The following SLC35D4 variants were observed in gnomAD, a reference collection of about 807,000 sequenced individuals.
The protein encoded by SLC35D4 is UDP-N-acetylglucosamine transporter SLC35D4.
the SLC35D4 span, among the ~76,000 whole-genome samples, chr18:23,288,130 T>C: frequency 1.3e-5 from 2 of 152,192 alleles, no homozygotes; most frequent in African/African-American, 4.8e-5. Flanking sequence ...CCCACATTAT[T>C]CCTGATACCA....
the SLC35D4 span, among the ~76,000 whole-genome samples, chr18:23,251,531 A>G: frequency 1.1e-4 from 16 of 152,226 alleles, no homozygotes; most frequent in Non-Finnish European, 2.2e-4. Context: ...AGGAGGGATG[A>G]GATGAACTGG....
the SLC35D4 span, among the ~76,000 whole-genome samples, chr18:23,276,658 CTTAA>C: frequency 4.2e-4 from 64 of 152,298 alleles, no homozygotes; most frequent in African/African-American, 1.5e-3. Context: ...GAATCTAGGA[CTTAA>C]TTATTTTCCA....
At chr18:23,428,073 A>C in the SLC35D4 span, among the ~76,000 whole-genome samples, 8 of 152,150 alleles carry the variant, frequency 5.3e-5, no homozygotes, top group African/African-American at 1.9e-4. Flanking sequence ...AATGTAAATG[A>C]CGAGTTAATG....
At chr18:23,319,816 G>A in the SLC35D4 span, among the ~76,000 whole-genome samples, 1 of 152,218 alleles carries the variant, frequency 6.6e-6, no homozygotes, top group Non-Finnish European at 1.5e-5. Flanking sequence ...TCATTTCATT[G>A]TCTATGAGTA....
At chr18:23,258,837 T>TGAC in the SLC35D4 span, 1 of 152,216 alleles carries the variant, frequency 6.6e-6, no homozygotes, top group Non-Finnish European at 1.5e-5. Flanking sequence ...GTCAGATTCT[T>TGAC]GACAGTCTTG....
At chr18:23,279,548 TCCTTAAGGTGGAAA>T in the SLC35D4 span, among the ~76,000 whole-genome samples, 1 of 151,876 alleles carries the variant, frequency 6.6e-6, no homozygotes, top group African/African-American at 2.4e-5. Context: ...TAAAATGAGG[TCCTTAAGGTGGAAA>T]CCTAGTTCTA....
chr18:23,345,481 C>CAAAAAAAA, the SLC35D4 span, among the ~76,000 whole-genome samples: 3 of 57,246 alleles, frequency 5.2e-5, no homozygotes, highest in South Asian at 9.2e-4. Context: ...GACTCCATCT[C>CAAAAAAAA]AAAAAAAAAA....
chr18:23,428,685 T>G, the SLC35D4 span, among the ~76,000 whole-genome samples: 5 of 66,816 alleles, frequency 7.5e-5, no homozygotes, highest in African/African-American at 1.9e-4. Context: ...GCCTAGCTAA[T>G]TTTTTTTTTT....
the SLC35D4 span, among the ~76,000 whole-genome samples, chr18:23,275,608 T>TGTGCGGTGCGGTGCGGTGCG: frequency 1.2e-5 from 1 of 83,584 alleles, no homozygotes; most frequent in East Asian, 2.3e-4. Flanking sequence ...TGTGCTGTGC[T>TGTGCGGTGCGGTGCGGTGCG]GTGCTGTGCT....
chr18:23,332,056 A>G, the SLC35D4 span, among the ~76,000 whole-genome samples: 1 of 89,594 alleles, frequency 1.1e-5, no homozygotes, highest in East Asian at 2.8e-4. Flanking sequence ...TGGCTAATTT[A>G]AAAAGAATTT....
At chr18:23,258,447 CTCTT>C in the SLC35D4 span, 2 of 152,172 alleles carry the variant, frequency 1.3e-5, no homozygotes, top group African/African-American at 4.8e-5. Flanking sequence ...GAGGCGGTGG[CTCTT>C]TCTTAACATT....
the SLC35D4 span, among the ~76,000 whole-genome samples, chr18:23,409,241 A>G: frequency 6.6e-6 from 1 of 152,256 alleles, no homozygotes; most frequent in Admixed American, 6.5e-5. Flanking sequence ...CTATCCACAG[A>G]AAACCACTGT....
chr18:23,347,403 C>CTCTCTCTCTCTCTCTCTTCTCTCCTA, the SLC35D4 span, among the ~76,000 whole-genome samples: 1 of 151,024 alleles, frequency 6.6e-6, no homozygotes, highest in Non-Finnish European at 1.5e-5. Context: ...ATTTGCATCT[C>CTCTCTCTCTCTCTCTCTTCTCTCCTA]TCTCTCTCTC....
At chr18:23,340,499 A>G in the SLC35D4 span, among the ~76,000 whole-genome samples, 1 of 152,302 alleles carries the variant, frequency 6.6e-6, no homozygotes, top group South Asian at 2.1e-4. Context: ...GCACCAACCC[A>G]GCACTGCACA....
the SLC35D4 span, among the ~76,000 whole-genome samples, chr18:23,286,636 G>T: frequency 5.4e-4 from 82 of 151,788 alleles, no homozygotes; most frequent in Non-Finnish European, 1.0e-3. Context: ...CAATATGGAG[G>T]CTACCCACTC....
chr18:23,338,738 G>C, the SLC35D4 span, among the ~76,000 whole-genome samples: 3 of 151,914 alleles, frequency 2.0e-5, no homozygotes, highest in Non-Finnish European at 4.4e-5. Flanking sequence ...ATGTCCCCCC[G>C]GGTCCTTGAC....
At chr18:23,342,273 T>A in the SLC35D4 span, among the ~76,000 whole-genome samples, 2 of 152,196 alleles carry the variant, frequency 1.3e-5, no homozygotes, top group Non-Finnish European at 2.9e-5. Context: ...TCTGTCTCTA[T>A]AAAATTGCCT....
the SLC35D4 span, among the ~76,000 whole-genome samples, chr18:23,360,922 T>C: frequency 6.6e-6 from 1 of 151,586 alleles, no homozygotes; most frequent in South Asian, 2.1e-4. Flanking sequence ...ACCAACATGG[T>C]GGAACCCCGT....
At chr18:23,307,576 A>C in the SLC35D4 span, among the ~76,000 whole-genome samples, 25 of 150,542 alleles carry the variant, frequency 1.7e-4, 1 homozygote, top group East Asian at 3.7e-3. Context: ...GGTCCTAATA[A>C]GTTCAGAAGG....
Sources: gnomAD v4.1 joint callset for allele counts (sites outside exome capture counted in the v4.1 genomes callset) on GRCh38, gnomAD v4.1.1 for gene constraint, MANE v1.5 for transcripts, NCBI Gene and HGNC (gene_info 2026-07-23, HGNC 2026-07-21) for gene names.